The following PUM2 variants were observed in gnomAD, a reference collection of about 807,000 sequenced individuals.
PUM2 encodes pumilio homolog 2.
PUM2 carries 57 observed loss-of-function variants against 124.5 expected under a neutral mutation model. That is an observed-to-expected ratio of 0.46 (90% CI 0.37 to 0.57). The LOEUF is 0.57. PUM2 is among the 20% of genes least tolerant of loss of function. PUM2 has a pLI of 0.00. For missense variants in PUM2, 1,065 were observed against 1,290.6 expected (o/e 0.83, Z 2.68); for synonymous variants, 460 against 446.1 (o/e 1.03, Z -0.39).
intron 14 of PUM2, among the ~76,000 whole-genome samples, chr2:20,262,166 T>C (rs187017480): frequency 2.0e-5 from 3 of 152,208 alleles, no homozygotes; most frequent in African/African-American, 4.8e-5. Flanking sequence ...TTCAGTGTAG[T>C]TGAAGTGTAC....
At chr2:20,326,937 T>C (rs529090632) in intron 2 of PUM2, among the ~76,000 whole-genome samples, 1 of 152,256 alleles carries the variant, frequency 6.6e-6, no homozygotes, top group African/African-American at 2.4e-5. Context: ...CAAGAGATTT[T>C]TGGAAGGGAG....
intron 3 of PUM2, 28 bp from the exon 4 acceptor site, chr2:20,312,451 T>C (rs367961791): frequency 1.3e-6 from 2 of 1,567,602 alleles, no homozygotes; most frequent in Non-Finnish European, 1.7e-6. Context: ...CACAATTATA[T>C]ACTTATACTT....
chr2:20,348,244 G>A (rs1688632519), intron 1 of PUM2, among the ~76,000 whole-genome samples: 1 of 152,060 alleles, frequency 6.6e-6, no homozygotes, highest in Admixed American at 6.6e-5. Context: ...CTGGCTATAA[G>A]TGTAATTTTT....
intron 10 of PUM2, among the ~76,000 whole-genome samples, chr2:20,286,041 AAGAC>A: frequency 6.6e-6 from 1 of 152,334 alleles, no homozygotes; most frequent in Non-Finnish European, 1.5e-5. Context: ...AGCAAAGAGT[AAGAC>A]AGGCAACAAG....
At position 20,299,832 on chromosome 2, in the gene PUM2, C is replaced by T. The variant is rs143085720; in HGVS notation, c.884-2154G>A. 4.8e-4 allele frequency among the ~76,000 whole-genome samples: 73 copies of T among 152,236 alleles called. 1 individual carries two copies. Among genetic ancestry groups the T allele is most frequent in the African/African-American group, 1.7e-3 (70 of 41,542 alleles). On this transcript the variant is annotated intron_variant, in intron 7 of 20. Coordinates refer to ENST00000361078, the MANE Select transcript of PUM2 (RefSeq NM_015317.5). ...TTTTATCTATGAAAAGCGTCAAACT[C>T]GGTAAATTATTTGAAGAGATTTATT...
intron 1 of PUM2, among the ~76,000 whole-genome samples, chr2:20,337,816 T>C (rs1686436834): frequency 6.6e-6 from 1 of 152,194 alleles, no homozygotes; most frequent in Non-Finnish European, 1.5e-5. Flanking sequence ...GAGACTAATT[T>C]TTAATCAGCT....
At chr2:20,351,133 G>A (rs1689300364), upstream of PUM2, among the ~76,000 whole-genome samples, 1 of 152,210 alleles carries the variant, frequency 6.6e-6, no homozygotes, top group African/African-American at 2.4e-5. Context: ...GTGTTCGACT[G>A]TCTTCCCGCG....
In PUM2 at chr2:20,276,474, GA is replaced by G. The variant is rs1436490409; in HGVS notation, c.1957+2108del. Among the ~76,000 whole-genome samples, 8 of 152,112 alleles carry G rather than the reference GA, an allele frequency of 5.3e-5. 1 individual carries two copies. In the East Asian group the frequency reaches 1.5e-3, roughly 29 times the overall value. On this transcript the variant is annotated intron_variant, in intron 13 of 20. Coordinates refer to ENST00000361078, the MANE Select transcript of PUM2 (RefSeq NM_015317.5). ...CAACCAATTCTAATGAGAATTGAGAGAACTTATCTCTATCTCATGATTTCAT... is the reference window on the plus strand; with the variant it reads ...CAACCAATTCTAATGAGAATTGAGAGACTTATCTCTATCTCATGATTTCAT...
chr2:20,281,085 T>C (rs1671400718), intron 12 of PUM2, among the ~76,000 whole-genome samples: 1 of 152,108 alleles, frequency 6.6e-6, no homozygotes, highest in African/African-American at 2.4e-5. Context: ...AAAGGCAGTG[T>C]GCAAACTTGT....
At chr2:20,253,605 A>C (rs1441837731) in intron 20 of PUM2, among the ~76,000 whole-genome samples, 1 of 151,108 alleles carries the variant, frequency 6.6e-6, no homozygotes, top group Non-Finnish European at 1.5e-5. Flanking sequence ...TCAGCCTCCC[A>C]ATCTGCTGGA....
intron 1 of PUM2, among the ~76,000 whole-genome samples, chr2:20,339,864 C>CA (rs1686889302): frequency 6.6e-6 from 1 of 152,090 alleles, no homozygotes; most frequent in Non-Finnish European, 1.5e-5. Flanking sequence ...CACTGTACTC[C>CA]AGCCTGGGCG....
chr2:20,297,235 T>TA (rs1675830890), intron 8 of PUM2, among the ~76,000 whole-genome samples: 1 of 152,244 alleles, frequency 6.6e-6, no homozygotes, highest in South Asian at 2.1e-4. Context: ...GAAGTAATTT[T>TA]ACTTTGCATT....
intron 3 of PUM2, among the ~76,000 whole-genome samples, chr2:20,315,015 A>G (rs1168406182): frequency 6.6e-6 from 1 of 151,350 alleles, no homozygotes; most frequent in African/African-American, 2.4e-5. Context: ...ATGGGCATCA[A>G]TCCTTCCAAG....
chr2:20,344,274 C>T (rs1248183995), intron 1 of PUM2, among the ~76,000 whole-genome samples: 1 of 152,112 alleles, frequency 6.6e-6, no homozygotes, highest in Non-Finnish European at 1.5e-5. Flanking sequence ...CACCACGTTG[C>T]CCAGGCTGGT....
chr2:20,297,172 A>C (rs536688514), intron 8 of PUM2, among the ~76,000 whole-genome samples: 1 of 152,200 alleles, frequency 6.6e-6, no homozygotes, highest in South Asian at 2.1e-4. Context: ...ATCTTACTCT[A>C]TTCTACCCCT....
rs1358460207 is a variant in PUM2 at position 20,250,811 on chromosome 2, A to C, written c.*774T>G. The C allele has an allele frequency of 2.6e-5, 4 of 152,584 alleles. No homozygotes were observed. Among genetic ancestry groups the C allele is most frequent in the Admixed American group, 1.3e-4 (2 of 15,290 alleles). The allele number at this position is 152,584 out of a possible 1,614,324, so 9.5% of individuals were successfully genotyped here. ...AACCAAACTGAAAAGTTAATAAGTG[A>C]CTTAACTTTTCATTTAGTGCACTTA... is the stretch of plus-strand genomic sequence containing the variant. On this transcript the variant is annotated 3_prime_UTR_variant, in exon 21 of 21. Transcript: ENST00000361078.
chr2:20,251,740 GA>G (rs1321624409), intron 20 of PUM2, 24 bp from the exon 21 acceptor site: 1 of 1,607,826 alleles, frequency 6.2e-7, no homozygotes, highest in South Asian at 1.1e-5. Context: ...AATCTGCTTA[GA>G]AAATCTAAGT....
In PUM2 at chr2:20,267,026, C is replaced by CTTTTTTT. The variant is rs373222999; in HGVS notation, c.1958-3573_1958-3567dup. On this transcript the variant is annotated intron_variant, in intron 13 of 20. Transcript: ENST00000361078. The stretch of plus-strand genomic sequence containing the variant: ...TGAGTAAGGGACATCATGCCTGTAA[C>CTTTTTTT]TTTTTTTTTTTTTTTGAGACAGGTC... 3.6e-3 allele frequency among the ~76,000 whole-genome samples: 514 copies of CTTTTTTT among 142,808 alleles called. 3 individuals are homozygous for CTTTTTTT. The highest frequency in any genetic ancestry group is 7.2e-3 in the Middle Eastern group (2 of 278). The allele number at this position is 142,808 out of a possible 152,430, so 93.7% of individuals were successfully genotyped here.
chr2:20,304,948 G>A (rs1169180180), intron 7 of PUM2, among the ~76,000 whole-genome samples: 1 of 152,008 alleles, frequency 6.6e-6, no homozygotes, highest in Non-Finnish European at 1.5e-5. Flanking sequence ...CTATCGACTA[G>A]TCCTTTTCTA....
Sources: allele counts gnomAD v4.1 joint callset (sites outside exome capture counted in the v4.1 genomes callset), GRCh38; gene constraint gnomAD v4.1.1; transcripts MANE v1.5; gene names NCBI Gene and HGNC (gene_info 2026-07-23, HGNC 2026-07-21).